The following CHRNB2 variants were observed in gnomAD, a reference collection of about 807,000 sequenced individuals.
CHRNB2 encodes the protein neuronal acetylcholine receptor subunit beta-2.
CHRNB2 carries 33 observed loss-of-function variants against 42.7 expected under a neutral mutation model. The observed-to-expected ratio is 0.77, with a 90% CI of 0.59 to 1.03. The LOEUF (loss-of-function observed/expected upper bound fraction) is 1.03. Among genes scored for constraint, CHRNB2 ranks in the 50% least tolerant of loss-of-function variants. The pLI is 0.00. For missense variants in CHRNB2, 603 were observed against 700.9 expected (o/e 0.86, Z 1.58); for synonymous variants, 325 against 292.9 (o/e 1.11, Z -1.12).
rs1696262468 is a variant in CHRNB2, at chr1:154,575,840, G to A, written c.1417G>A (p.Gly473Ser). Residue 473 changes from glycine to serine, a missense_variant, in exon 6 of 6, where the codon GGC becomes AGC. Physicochemically the swap from Gly to Ser is moderately conservative, Grantham distance 56. This residue lies in a region of CHRNB2 where 270 missense variants were observed against 248.3 expected (regional missense o/e 1.09). Transcript: ENST00000368476. ...LWIFVFVCVF[G>S]TIGMFLQPLF... The stretch of plus-strand genomic sequence containing the variant: ...GATCTTTGTCTTTGTCTGTGTCTTT[G>A]GCACCATCGGCATGTTCCTGCAGCC... The A allele has an allele frequency of 1.2e-6, 2 of 1,614,092 alleles. No individual in the cohort carries two copies.
rs980502889 is a variant in CHRNB2 at position 154,569,717 on chromosome 1, G to T, written c.211-75G>T. The stretch of plus-strand genomic sequence containing the variant: ...GTGTTTCCAAGGCTTGGGGAGGTGT[G>T]AGAGGGACCCTGGGTGGTGGCAGTG... On this transcript the variant is annotated intron_variant, in intron 2 of 5. Coordinates refer to ENST00000368476, the MANE Select transcript of CHRNB2 (RefSeq NM_000748.3). 9 of 1,612,900 alleles carry T rather than the reference G, an allele frequency of 5.6e-6. No individual in the cohort carries two copies. In the African/African-American group the frequency reaches 1.1e-4, roughly 19 times the overall value.
Position 154,571,959 on chromosome 1 carries a change from G to C in CHRNB2, c.1136G>C (p.Arg379Pro), listed in dbSNP as rs1440128191. ...EREGAGALFF[R>P]EAPGADSCTC... ...GAGGGCGCTGGAGCCCTCTTCTTCC[G>C]CGAAGCCCCAGGGGCCGACTCCTGC... The change falls in exon 5 of 6, where the codon CGC (arginine) becomes CCC (proline). Residue 379 changes from arginine (R) to proline (P), a missense_variant. Transcript: ENST00000368476. The surrounding 1 kb of genome is among the most constrained non-coding windows in gnomAD (Gnocchi z 6.8). 1.3e-6 allele frequency: 2 copies of C among 1,543,666 alleles called. No homozygotes were observed. Among genetic ancestry groups the C allele is most frequent in the Non-Finnish European group, 1.7e-6 (2 of 1,149,696 alleles).
At position 154,576,118 on chromosome 1, in the gene CHRNB2, C is replaced by G; in HGVS notation, c.*186C>G. ...ACACACAGCAGCTCCAACCTGGAGG[C>G]TGGACCAACTGCTTTGTTTTGGCTG... is the stretch of plus-strand genomic sequence containing the variant. On this transcript the variant is annotated 3_prime_UTR_variant, in exon 6 of 6. Coordinates refer to ENST00000368476, the MANE Select transcript of CHRNB2 (RefSeq NM_000748.3). The G allele has an allele frequency of 2.9e-6, 2 of 685,306 alleles. No homozygotes were observed. Among genetic ancestry groups the G allele is most frequent in the East Asian group, 5.5e-5 (2 of 36,360 alleles). The allele number at this position is 685,306 out of a possible 1,614,324, so 42.5% of individuals were successfully genotyped here. A position where few individuals can be genotyped will look rare whatever the true frequency, so the allele number is the denominator to read the frequency against.
At position 154,568,065 on chromosome 1, in the gene CHRNB2, C is replaced by A; in HGVS notation, c.21C>A (p.Pro7=). The change falls in exon 1 of 6, where the codon CCC becomes CCA. Residue 7 remains proline, a synonymous_variant. Coordinates refer to ENST00000368476, the MANE Select transcript of CHRNB2 (RefSeq NM_000748.3). Reference sequence around the variant, plus strand: ...GCGGCATGGCCCGGCGCTGCGGCCCCGTGGCGCTGCTCCTTGGCTTCGGCC... The same window carrying A: ...GCGGCATGGCCCGGCGCTGCGGCCCAGTGGCGCTGCTCCTTGGCTTCGGCC... MARRCG[P]VALLLGFGLL... 2 of 1,602,274 alleles carry A rather than the reference C, an allele frequency of 1.2e-6. No individual in the cohort carries two copies. The highest frequency in any genetic ancestry group is 1.7e-6 in the Non-Finnish European group (2 of 1,175,764).
In CHRNB2 at chr1:154,575,771, G is replaced by A; in HGVS notation, c.1348G>A (p.Asp450Asn). The A allele has an allele frequency of 1.2e-6, 2 of 1,614,154 alleles. No individual in the cohort carries two copies. Among genetic ancestry groups the A allele is most frequent in the South Asian group, 1.1e-5 (1 of 91,074 alleles). The change falls in exon 6 of 6, where the codon GAC becomes AAC. Residue 450 changes from aspartate (D) to asparagine (N), a missense_variant. Physicochemically the swap from Asp to Asn is conservative, Grantham distance 23. Transcript: ENST00000368476. ...SEDDDQSVSE[D>N]WKYVAMVIDR... ...CGTCTCCTCCATCCAGGTGAGTGAG[G>A]ACTGGAAGTACGTCGCCATGGTGAT... is the stretch of plus-strand genomic sequence containing the variant.
At chr1:154,574,657 T>C (rs1242644939) in intron 5 of CHRNB2, among the ~76,000 whole-genome samples, 1 of 152,226 alleles carries the variant, frequency 6.6e-6, no homozygotes, top group East Asian at 1.9e-4. Flanking sequence ...CTCCTCCTTT[T>C]ATCTCAATCC....
At chr1:154,575,606 C>G (rs150226784) in intron 5 of CHRNB2, among the ~76,000 whole-genome samples, 156 bp from the exon 6 acceptor site, 65 of 152,148 alleles carry the variant, frequency 4.3e-4, no homozygotes, top group African/African-American at 1.5e-3. Flanking sequence ...CCACTGGAGG[C>G]TTTTACTAAG....
Position 154,577,203 on chromosome 1 carries a change from A to G in CHRNB2, c.*1271A>G, listed in dbSNP as rs913982533. Reference sequence around the variant, plus strand: ...AAGCATAGCCTCGGCTTCCTGCCCCATGTGTCCCTGGAAGCTGTACCCTGA... The same window carrying G: ...AAGCATAGCCTCGGCTTCCTGCCCCGTGTGTCCCTGGAAGCTGTACCCTGA... On this transcript the variant is annotated 3_prime_UTR_variant, in exon 6 of 6. Transcript: ENST00000368476. 1 of 152,188 alleles carries G rather than the reference A, an allele frequency of 6.6e-6. No homozygotes were observed. The highest frequency in any genetic ancestry group is 1.5e-5 in the Non-Finnish European group (1 of 68,068). The allele number at this position is 152,188 out of a possible 1,614,324, so 9.4% of individuals were successfully genotyped here.
Position 154,571,416 on chromosome 1 carries a change from C to T in CHRNB2, c.593C>T (p.Thr198Ile), listed in dbSNP as rs200583300. 1 of 1,614,230 alleles carries T rather than the reference C, an allele frequency of 6.2e-7. No individual in the cohort carries two copies. Among genetic ancestry groups the T allele is most frequent in the Non-Finnish European group, 8.5e-7 (1 of 1,180,038 alleles). The change falls in exon 5 of 6, where the codon ACA becomes ATA. Residue 198 changes from threonine to isoleucine, a missense_variant. Physicochemically the swap from Thr to Ile is moderately conservative, Grantham distance 89 (BLOSUM62 -1). Transcript: ENST00000368476. The surrounding 1 kb of genome is among the most constrained non-coding windows in gnomAD (Gnocchi z 6.8). ...GAGGTGGCCAGCCTGGACGACTTCA[C>T]ACCTAGTGGTGAGTGGGACATCGTG... is the stretch of plus-strand genomic sequence containing the variant. ...KSEVASLDDF[T>I]PSGEWDIVAL... is the part of the protein sequence containing the mutation.
At chr1:154,570,210 C>T (rs1696136283) in intron 3 of CHRNB2, 48 bp from the exon 4 acceptor site, 3 of 1,317,148 alleles carry the variant, frequency 2.3e-6, no homozygotes, top group Non-Finnish European at 2.2e-6. Flanking sequence ...TAACCTTGAG[C>T]CCCACCCAGG....
At position 154,575,986 on chromosome 1, in the gene CHRNB2, G is replaced by A; in HGVS notation, c.*54G>A. The stretch of plus-strand genomic sequence containing the variant: ...CCCTGCCACCCTCTGCTGCACAGTA[G>A]TGTTGGGTGGAGGATGGACGAGTGA... On this transcript the variant is annotated 3_prime_UTR_variant, in exon 6 of 6. Transcript: ENST00000368476. 10 of 1,607,382 alleles carry A rather than the reference G, an allele frequency of 6.2e-6. No homozygotes were observed. The highest frequency in any genetic ancestry group is 7.7e-6 in the Non-Finnish European group (9 of 1,175,546).
chr1:154,572,137 G>A lies in CHRNB2; in HGVS notation c.1314G>A (p.Met438Ile), dbSNP rs200910048. 5.4e-5 allele frequency: 83 copies of A among 1,537,930 alleles called. No homozygotes were observed. Among genetic ancestry groups the A allele is most frequent in the Non-Finnish European group, 6.5e-5 (75 of 1,146,706 alleles). Residue 438 changes from methionine (M) to isoleucine (I), a missense_variant, in exon 5 of 6, where the codon ATG (methionine) becomes ATA (isoleucine). This residue lies in a region of CHRNB2 where 270 missense variants were observed against 248.3 expected (regional missense o/e 1.09). Coordinates refer to ENST00000368476, the MANE Select transcript of CHRNB2 (RefSeq NM_000748.3). ...VDGVRFIADH[M>I]RSEDDDQSVS... Reference sequence around the variant, plus strand: ...GCGTGCGCTTCATCGCAGACCACATGCGGAGCGAGGACGATGACCAGAGCG... The same window carrying A: ...GCGTGCGCTTCATCGCAGACCACATACGGAGCGAGGACGATGACCAGAGCG...
In CHRNB2 at chr1:154,575,836, C is replaced by A; in HGVS notation, c.1413C>A (p.Val471=). Residue 471 remains valine (V), a synonymous_variant, in exon 6 of 6, where the codon GTC becomes GTA. Coordinates refer to ENST00000368476, the MANE Select transcript of CHRNB2 (RefSeq NM_000748.3). ...LFLWIFVFVC[V]FGTIGMFLQP... ...TCTGGATCTTTGTCTTTGTCTGTGT[C>A]TTTGGCACCATCGGCATGTTCCTGC... 6.2e-7 allele frequency: 1 copy of A among 1,614,158 alleles called. No homozygotes were observed. The highest frequency in any genetic ancestry group is 8.5e-7 in the Non-Finnish European group (1 of 1,180,014).
rs79639880 is a variant in CHRNB2 at position 154,571,080 on chromosome 1, C to T, written c.366-109C>T. ...TGGTTACTCTCAGATCTGGGTGTCC[C>T]CTCCCCATGTCTCCCTCTGGTTTTG... On this transcript the variant is annotated intron_variant, in intron 4 of 5. Transcript: ENST00000368476. This position sits in a 1 kb window ranked among gnomAD's most constrained non-coding sequence, Gnocchi z 6.8. 5,161 of 1,604,608 alleles carry T rather than the reference C, an allele frequency of 3.2e-3. 19 individuals carry two copies. The highest frequency in any genetic ancestry group is 3.6e-3 in the Non-Finnish European group (4,294 of 1,178,872).
chr1:154,579,343 G>C lies in CHRNB2; in HGVS notation c.*3411G>C, dbSNP rs142290757. Reference sequence around the variant, plus strand: ...CCTATGGGAAGGGGCCTCCACCTACGTAACAGAAATGCGGCTCAGAAAGAC... The same window carrying C: ...CCTATGGGAAGGGGCCTCCACCTACCTAACAGAAATGCGGCTCAGAAAGAC... On this transcript the variant is annotated 3_prime_UTR_variant, in exon 6 of 6. Coordinates refer to ENST00000368476, the MANE Select transcript of CHRNB2 (RefSeq NM_000748.3). 4 of 152,376 alleles carry C rather than the reference G, an allele frequency of 2.6e-5. No individual in the cohort carries two copies. Among genetic ancestry groups the C allele is most frequent in the East Asian group, 3.9e-4 (2 of 5,186 alleles). The allele number at this position is 152,376 out of a possible 1,614,324, so 9.4% of individuals were successfully genotyped here.
Position 154,571,528 on chromosome 1 carries a change from C to T in CHRNB2, c.705C>T (p.Leu235=), listed in dbSNP as rs754076877. The T allele has an allele frequency of 3.1e-6, 5 of 1,614,128 alleles. No homozygotes were observed. The highest frequency in any genetic ancestry group is 1.1e-5 in the South Asian group (1 of 91,078). ...ACTTCATCATTCGCCGCAAGCCGCTCTTCTACACCATCAACCTCATCATCC... is the reference window on the plus strand; with the variant it reads ...ACTTCATCATTCGCCGCAAGCCGCTTTTCTACACCATCAACCTCATCATCC... ...TYDFIIRRKP[L]FYTINLIIPC... is the part of the protein sequence containing the mutation. The change falls in exon 5 of 6, where the codon CTC becomes CTT. Residue 235 remains leucine (L), a synonymous_variant. Coordinates refer to ENST00000368476, the MANE Select transcript of CHRNB2 (RefSeq NM_000748.3). This position sits in a 1 kb window ranked among gnomAD's most constrained non-coding sequence, Gnocchi z 6.8.
At position 154,569,364 on chromosome 1, in the gene CHRNB2, C is replaced by T. The variant is rs1013639351; in HGVS notation, c.65-98C>T. The T allele has an allele frequency of 3.5e-6, 5 of 1,410,406 alleles. No individual in the cohort carries two copies. In the South Asian group the frequency reaches 4.8e-5, roughly 14 times the overall value. 87.4% of individuals were successfully genotyped at this position (1,410,406 alleles called of 1,614,324 possible). On this transcript the variant is annotated intron_variant, in intron 1 of 5. Transcript: ENST00000368476. ...GTATCCTTAGGGATGTAGGGAGATA[C>T]TGGTTGGGCCTGGATTGTCCCATTT...
chr1:154,576,054 T>A lies in CHRNB2; in HGVS notation c.*122T>A. 7.7e-7 allele frequency: 1 copy of A among 1,302,570 alleles called. No homozygotes were observed. Among genetic ancestry groups the A allele is most frequent in the Non-Finnish European group, 1.1e-6 (1 of 912,958 alleles). 80.7% of individuals were successfully genotyped at this position (1,302,570 alleles called of 1,614,324 possible). ...CGCTGCCCCCACAGATCCATCCTTT[T>A]GCTTCATCTGGAGTCCCTCCTCCCC... On this transcript the variant is annotated 3_prime_UTR_variant, in exon 6 of 6. Coordinates refer to ENST00000368476, the MANE Select transcript of CHRNB2 (RefSeq NM_000748.3).
chr1:154,576,017 C>A lies in CHRNB2; in HGVS notation c.*85C>A. 1 of 1,551,392 alleles carries A rather than the reference C, an allele frequency of 6.4e-7. No homozygotes were observed. The highest frequency in any genetic ancestry group is 8.9e-7 in the Non-Finnish European group (1 of 1,129,052). On this transcript the variant is annotated 3_prime_UTR_variant, in exon 6 of 6. Transcript: ENST00000368476. ...GGTGGAGGATGGACGAGTGAGCTACCAGGAAGAGGGGCGCTGCCCCCACAG... is the reference window on the plus strand; with the variant it reads ...GGTGGAGGATGGACGAGTGAGCTACAAGGAAGAGGGGCGCTGCCCCCACAG...
Sources: gnomAD v4.1 joint callset for allele counts (sites outside exome capture counted in the v4.1 genomes callset) on GRCh38, gnomAD v4.1.1 for gene constraint, gnomAD v4.1.1 regional missense constraint, Gnocchi (gnomAD v3.1) non-coding constraint, MANE v1.5 for transcripts, NCBI Gene and HGNC (gene_info 2026-07-23, HGNC 2026-07-21) for gene names.